Variants in ARAP2 observed in about 807,000 individuals in gnomAD.
The protein encoded by ARAP2 is arf-GAP with Rho-GAP domain, ANK repeat and PH domain-containing protein 2.
A neutral mutation model predicts 194.5 loss-of-function variants in ARAP2; 148 were observed. That is an observed-to-expected ratio of 0.76 (90% CI 0.67 to 0.87). ARAP2 has a LOEUF of 0.87. ARAP2 is among the 40% of genes least tolerant of loss of function. The probability of loss-of-function intolerance (pLI) is 0.00; values close to 1 mark genes in which losing one functional copy is unlikely to be tolerated. For synonymous variants in ARAP2, 695 were observed against 683.5 expected, an observed-to-expected ratio of 1.02 and a Z score of -0.26; for missense variants, 2,128 against 1,989.7, an observed-to-expected ratio of 1.07 and a Z score of -1.32.
At chr4:36,179,697 A>G (rs1738789543) in intron 8 of ARAP2, among the ~76,000 whole-genome samples, 1 of 152,218 alleles carries the variant, frequency 6.6e-6, no homozygotes, top group Admixed American at 6.5e-5. Context: ...GAGAAAGCAG[A>G]GCCCAGTTTG....
chr4:36,212,634 C>T (rs1414105261), intron 4 of ARAP2, 147 bp from the exon 5 acceptor site: 17 of 513,978 alleles, frequency 3.3e-5, no homozygotes, highest in Non-Finnish European at 5.1e-5. Context: ...GATCAATTTT[C>T]AGAAAAAAAA....
intron 19 of ARAP2, among the ~76,000 whole-genome samples, chr4:36,145,612 A>G (rs1729448843): frequency 6.6e-6 from 1 of 151,966 alleles, no homozygotes; most frequent in Non-Finnish European, 1.5e-5. Context: ...ATAGAATCCC[A>G]AACCCTAGCA....
At chr4:36,103,615 T>A (rs1717608472) in intron 27 of ARAP2, among the ~76,000 whole-genome samples, 1 of 151,782 alleles carries the variant, frequency 6.6e-6, no homozygotes, top group East Asian at 1.9e-4. Flanking sequence ...TCAAATTAGT[T>A]AGCTCTTTTT....
intron 24 of ARAP2, among the ~76,000 whole-genome samples, chr4:36,118,194 A>G (rs1721835775): frequency 6.6e-6 from 1 of 151,098 alleles, no homozygotes; most frequent in Admixed American, 6.6e-5. Flanking sequence ...CTACAGATAC[A>G]TTTCAGTAAG....
chr4:36,117,490 CGT>C (rs1721645095), intron 24 of ARAP2, among the ~76,000 whole-genome samples: 1 of 151,582 alleles, frequency 6.6e-6, no homozygotes, highest in African/African-American at 2.4e-5. Flanking sequence ...TCAGCATGTA[CGT>C]TAACAGGATA....
chr4:36,188,106 AAAG>A (rs1272668833), intron 7 of ARAP2, among the ~76,000 whole-genome samples: 3 of 152,200 alleles, frequency 2.0e-5, no homozygotes, highest in Non-Finnish European at 4.4e-5. Context: ...TTCAATGAAT[AAAG>A]AATAAAAAAA....
intron 27 of ARAP2, among the ~76,000 whole-genome samples, chr4:36,104,721 C>A (rs1387785543): frequency 6.6e-6 from 1 of 151,906 alleles, no homozygotes; most frequent in Non-Finnish European, 1.5e-5. Context: ...CTTTTACAAT[C>A]TGAATATAAA....
chr4:36,160,212 A>G, intron 13 of ARAP2: 3 of 1,095,756 alleles, frequency 2.7e-6, no homozygotes, highest in Non-Finnish European at 3.3e-6. Context: ...TTGCTTCCAA[A>G]TCCTCAGATT....
intron 21 of ARAP2, among the ~76,000 whole-genome samples, chr4:36,125,554 T>C (rs1355331): frequency 0.64 from 97,453 of 151,764 alleles, 34,163 homozygotes; most frequent in South Asian, 0.81. Flanking sequence ...CAAGCCCAGG[T>C]CTTAATAACT....
intron 5 of ARAP2, among the ~76,000 whole-genome samples, chr4:36,028,025 G>A (rs1333850896): frequency 6.6e-6 from 1 of 152,030 alleles, no homozygotes; most frequent in Non-Finnish European, 1.5e-5. Context: ...ACATAAATGC[G>A]CATACTCATA....
intron 27 of ARAP2, among the ~76,000 whole-genome samples, chr4:36,105,283 G>A (rs886745686): frequency 2.0e-5 from 3 of 151,930 alleles, no homozygotes; most frequent in East Asian, 1.9e-4. Context: ...TCACGCCACC[G>A]GTGGCACTCT....
At chr4:36,033,899 T>C (rs1338839666) in intron 5 of ARAP2, among the ~76,000 whole-genome samples, 1 of 152,158 alleles carries the variant, frequency 6.6e-6, no homozygotes, top group Non-Finnish European at 1.5e-5. Flanking sequence ...ATTTATTGAA[T>C]AGGGACTCCT....
intron 7 of ARAP2, among the ~76,000 whole-genome samples, chr4:36,190,354 T>C (rs549325034): frequency 2.1e-4 from 32 of 152,326 alleles, no homozygotes; most frequent in African/African-American, 6.7e-4. Context: ...ATTTAATTAA[T>C]ATATTCTCCC....
intron 2 of ARAP2, among the ~76,000 whole-genome samples, chr4:36,218,941 A>C (rs1184976260): frequency 6.6e-6 from 1 of 152,214 alleles, no homozygotes. Flanking sequence ...CACACCAAAG[A>C]AGATATAAAT....
chr4:36,080,465 G>C (rs1035498943), intron 30 of ARAP2, among the ~76,000 whole-genome samples, 186 bp from the exon 31 acceptor site: 1 of 152,148 alleles, frequency 6.6e-6, no homozygotes, highest in African/African-American at 2.4e-5. Flanking sequence ...ACAATACGAA[G>C]TTATAGTGTA....
chr4:36,066,003 G>A (rs1483885166), downstream of ARAP2: 1 of 152,116 alleles, frequency 6.6e-6, no homozygotes, highest in East Asian at 1.9e-4. Context: ...TCACATTCAA[G>A]TAGACTTGTA....
chr4:36,048,151 AG>A (rs755006682), intron 3 of ARAP2, among the ~76,000 whole-genome samples: 16 of 152,206 alleles, frequency 1.1e-4, no homozygotes, highest in Non-Finnish European at 1.2e-4. Context: ...ACCCAGTAAA[AG>A]ATTAAAGTCC....
intron 6 of ARAP2, among the ~76,000 whole-genome samples, chr4:36,207,322 T>C (rs917596088): frequency 6.6e-6 from 1 of 152,246 alleles, no homozygotes; most frequent in Non-Finnish European, 1.5e-5. Flanking sequence ...TTATTAAGCT[T>C]TTCATCTGCT....
chr4:36,216,082 C>CA (rs112912494), intron 2 of ARAP2, among the ~76,000 whole-genome samples: 1,804 of 99,292 alleles, frequency 0.018, 24 homozygotes, highest in African/African-American at 0.04. Flanking sequence ...CCCATCTCTA[C>CA]AAAAAAAAAA....
Sources: gnomAD v4.1 joint callset for allele counts (sites outside exome capture counted in the v4.1 genomes callset) on GRCh38, gnomAD v4.1.1 for gene constraint, MANE v1.5 for transcripts, NCBI Gene and HGNC (gene_info 2026-07-23, HGNC 2026-07-21) for gene names.